Variants in CHD2 observed in about 807,000 individuals in gnomAD.
CHD2 encodes the protein ATP-dependent chromatin remodeler CHD2.
CHD2 carries 28 observed loss-of-function variants against 243.9 expected under a neutral mutation model. The ratio of observed to expected loss-of-function variants is 0.11; its 90% CI spans 0.09 to 0.16. The LOEUF (loss-of-function observed/expected upper bound fraction) is 0.16. CHD2 is among the 10% of genes least tolerant of loss of function. The pLI is 1.00. For synonymous variants in CHD2, 775 were observed against 779.0 expected, an observed-to-expected ratio of 0.99 and a Z score of 0.09; for missense variants, 1,386 against 2,209.8, an observed-to-expected ratio of 0.63 and a Z score of 7.47.
chr15:92,942,059 T>A (rs1212552019), intron 8 of CHD2, 104 bp downstream of exon 8: 3 of 1,100,422 alleles, frequency 2.7e-6, no homozygotes, highest in Non-Finnish European at 2.6e-6. Flanking sequence ...ACTGCTGTAT[T>A]TGTTGTGATA....
chr15:92,972,529 A>G (rs2053853751), intron 19 of CHD2, 112 bp downstream of exon 19: 8 of 988,212 alleles, frequency 8.1e-6, no homozygotes, highest in Non-Finnish European at 1.1e-5. Flanking sequence ...AGGAAGTAAG[A>G]GTTTTCTTGT....
chr15:93,009,806 G>A (rs2054367799), intron 35 of CHD2, among the ~76,000 whole-genome samples: 1 of 152,138 alleles, frequency 6.6e-6, no homozygotes, highest in African/African-American at 2.4e-5. Flanking sequence ...GTAGTAATTT[G>A]GATTAAGTTA....
At chr15:92,901,589 A>G in intron 2 of CHD2, 1 of 434,574 alleles carries the variant, frequency 2.3e-6, no homozygotes, top group Non-Finnish European at 4.0e-6. Context: ...TCTGTCAGTA[A>G]ATTTCAGTTT....
rs543970128 is a variant in CHD2 at position 92,944,243 on chromosome 15, G to GT, written c.1053-169dup. 192 of 453,484 alleles carry GT rather than the reference G, an allele frequency of 4.2e-4. 1 individual carries two copies. The East Asian group carries it at 6.0e-3, about 14-fold the overall frequency. 28.1% of individuals were successfully genotyped at this position (453,484 alleles called of 1,614,324 possible). On this transcript the variant is annotated intron_variant, in intron 9 of 38. Coordinates refer to ENST00000394196, the MANE Select transcript of CHD2 (RefSeq NM_001271.4). ...AGTGTTCTCTAAAAGTGTTTTTTTT[G>GT]TTTGTTTGTTTTGTTTTGTAAAATC...
intron 12 of CHD2, among the ~76,000 whole-genome samples, chr15:92,948,388 A>G (rs2053504377): frequency 6.6e-6 from 1 of 152,180 alleles, no homozygotes; most frequent in Non-Finnish European, 1.5e-5. Context: ...GACAAGACCT[A>G]AAGTGCTATT....
At position 92,974,910 on chromosome 15, in the gene CHD2, G is replaced by A. The variant is rs1429234959; in HGVS notation, c.2537G>A (p.Arg846Gln). 1 of 1,613,646 alleles carries A rather than the reference G, an allele frequency of 6.2e-7. No individual in the cohort carries two copies. Among genetic ancestry groups the A allele is most frequent in the Non-Finnish European group, 8.5e-7 (1 of 1,179,710 alleles). ...GATGGTTCCATCAAGGGAGAAATCCGAAAACAGGCACTGGACCACTTCAAT... is the reference window on the plus strand; with the variant it reads ...GATGGTTCCATCAAGGGAGAAATCCAAAAACAGGCACTGGACCACTTCAAT... ...RLDGSIKGEI[R>Q]KQALDHFNAD... is the part of the protein sequence containing the mutation. The change falls in exon 20 of 39, where the codon CGA (arginine) becomes CAA (glutamine). Residue 846 changes from arginine to glutamine, a missense_variant. By Grantham distance (43) the Arg-to-Gln change is conservative. Around this residue, in one of 19 missense-constraint regions of CHD2, gnomAD observed 118 missense variants for 266.3 expected, o/e 0.44. Coordinates refer to ENST00000394196, the MANE Select transcript of CHD2 (RefSeq NM_001271.4).
intron 16 of CHD2, 60 bp from the exon 17 acceptor site, chr15:92,967,265 T>G: frequency 8.0e-7 from 1 of 1,249,956 alleles, no homozygotes; most frequent in Non-Finnish European, 1.1e-6. Context: ...TTTACAGTTT[T>G]TTTTCCTATT....
intron 4 of CHD2, among the ~76,000 whole-genome samples, 179 bp downstream of exon 4, chr15:92,927,509 G>T (rs570198337): frequency 3.3e-5 from 5 of 152,168 alleles, no homozygotes; most frequent in African/African-American, 9.6e-5. Context: ...TCAAATAAAA[G>T]AATCTAACCA....
chr15:92,924,649 T>C, intron 3 of CHD2, 97 bp downstream of exon 3: 1 of 1,038,778 alleles, frequency 9.6e-7, no homozygotes, highest in South Asian at 1.3e-5. Flanking sequence ...ATCTTGATGA[T>C]GAAACCTACA....
intron 2 of CHD2, among the ~76,000 whole-genome samples, chr15:92,911,947 T>G (rs1211327253): frequency 1.3e-5 from 2 of 152,178 alleles, no homozygotes; most frequent in Admixed American, 1.3e-4. Context: ...GCCATGACTC[T>G]ACATCAAAAG....
intron 12 of CHD2, chr15:92,947,415 C>T (rs944729815): frequency 2.6e-5 from 4 of 152,196 alleles, no homozygotes; most frequent in Non-Finnish European, 4.4e-5. Context: ...AGGAGAACTA[C>T]TAGACCCCAG....
At chr15:92,986,432 A>G (rs532078577) in intron 26 of CHD2, among the ~76,000 whole-genome samples, 16 of 152,324 alleles carry the variant, frequency 1.1e-4, no homozygotes, top group African/African-American at 3.8e-4. Context: ...CTTTTCACTT[A>G]AAGGTCACAC....
chr15:92,940,895 T>A (rs890926929), intron 7 of CHD2, among the ~76,000 whole-genome samples: 999 of 86,798 alleles, frequency 0.012, 44 homozygotes, highest in Admixed American at 0.11. Flanking sequence ...TATATAAAAA[T>A]ATATATAAAT....
chr15:92,906,191 C>T (rs1268149544), intron 2 of CHD2, among the ~76,000 whole-genome samples: 1 of 151,638 alleles, frequency 6.6e-6, no homozygotes, highest in Non-Finnish European at 1.5e-5. Flanking sequence ...TACTTTTTTT[C>T]CCTTTGATGT....
rs1041959719 is a variant in CHD2 at position 92,939,694 on chromosome 15, G to A, written c.668G>A (p.Arg223His). 4 of 1,613,804 alleles carry A rather than the reference G, an allele frequency of 2.5e-6. No individual in the cohort carries two copies. The highest frequency in any genetic ancestry group is 3.4e-6 in the Non-Finnish European group (4 of 1,179,986). Residue 223 changes from arginine to histidine, a missense_variant, in exon 7 of 39, where the codon CGT (arginine) becomes CAT (histidine). Coordinates refer to ENST00000394196, the MANE Select transcript of CHD2 (RefSeq NM_001271.4). The part of the protein sequence containing the change: ...DDDEAPKRQT[R>H]RRAAKNVSYK... Reference sequence around the variant, plus strand: ...GACGAAGCTCCCAAAAGGCAGACTCGTCGAAGAGCGGCTAAAAACGTTAGG... The same window carrying A: ...GACGAAGCTCCCAAAAGGCAGACTCATCGAAGAGCGGCTAAAAACGTTAGG...
rs2054582506 is a variant in CHD2 at position 93,025,802 on chromosome 15, G to T, written c.*1097G>T. ...TTGCGCTAGGTCAACACTTCCTGCT[G>T]CATTTCCTTCCCTTTGCACAGCTTG... On this transcript the variant is annotated 3_prime_UTR_variant, in exon 39 of 39. Coordinates refer to ENST00000394196, the MANE Select transcript of CHD2 (RefSeq NM_001271.4). 1 of 152,220 alleles carries T rather than the reference G, an allele frequency of 6.6e-6. No individual in the cohort carries two copies. The highest frequency in any genetic ancestry group is 6.5e-5 in the Admixed American group (1 of 15,284). 9.4% of individuals were successfully genotyped at this position (152,220 alleles called of 1,614,324 possible).
chr15:92,989,025 C>CT lies in CHD2; in HGVS notation c.3414-2428dup, dbSNP rs34298248. Among the ~76,000 whole-genome samples, 722 of 76,492 alleles carry CT rather than the reference C, an allele frequency of 9.4e-3. 34 individuals carry two copies. Among genetic ancestry groups the CT allele is most frequent in the African/African-American group, 0.027 (523 of 19,712 alleles). The allele number at this position is 76,492 out of a possible 152,430, so 50.2% of individuals were successfully genotyped here. On this transcript the variant is annotated intron_variant, in intron 26 of 38. Coordinates refer to ENST00000394196, the MANE Select transcript of CHD2 (RefSeq NM_001271.4). ...TCCTATGTATACTTCATACTTCATA[C>CT]TTTTTTTTTTTTTTTTTTTTTTTGA...
At chr15:92,974,011 A>G (rs75857762) in intron 19 of CHD2, 10,482 of 152,272 alleles carry the variant, frequency 0.069, 510 homozygotes, top group South Asian at 0.12. Context: ...GCCCTTCCAC[A>G]GAGTCTGCTG....
intron 21 of CHD2, among the ~76,000 whole-genome samples, chr15:92,978,876 C>G (rs889251416): frequency 6.6e-6 from 1 of 152,066 alleles, no homozygotes; most frequent in African/African-American, 2.4e-5. Context: ...CACTGAAGCA[C>G]GATTTTTATT....
Sources: gnomAD v4.1 joint callset for allele counts (sites outside exome capture counted in the v4.1 genomes callset) on GRCh38, gnomAD v4.1.1 for gene constraint, gnomAD v4.1.1 regional missense constraint, MANE v1.5 for transcripts, NCBI Gene and HGNC (gene_info 2026-07-23, HGNC 2026-07-21) for gene names.